The following ADAMTSL1 variants were observed in gnomAD, a reference collection of about 807,000 sequenced individuals.
ADAMTSL1 encodes ADAMTS-like protein 1.
ADAMTSL1 carries 126 observed loss-of-function variants against 201.8 expected under a neutral mutation model. The observed-to-expected ratio is 0.62, with a 90% CI of 0.54 to 0.72. The LOEUF is 0.72. Among genes scored for constraint, ADAMTSL1 ranks in the 30% least tolerant of loss-of-function variants. The pLI is 0.00. For synonymous variants in ADAMTSL1, 1,121 were observed against 903.4 expected (o/e 1.24, Z -4.32); for missense variants, 2,679 against 2,277.8 (o/e 1.18, Z -3.59).
chr9:17,976,189 G>A (rs967403951), intron 1 of ADAMTSL1, among the ~76,000 whole-genome samples: 4 of 151,680 alleles, frequency 2.6e-5, no homozygotes, highest in Non-Finnish European at 5.9e-5. Flanking sequence ...GTTCAAGATC[G>A]CTTTAGCTAT....
chr9:18,044,816 G>A (rs1821591175), intron 1 of ADAMTSL1, among the ~76,000 whole-genome samples: 1 of 152,164 alleles, frequency 6.6e-6, no homozygotes, highest in African/African-American at 2.4e-5. Flanking sequence ...CTAGAATACA[G>A]ATCAGTTGGC....
intron 16 of ADAMTSL1, among the ~76,000 whole-genome samples, chr9:18,770,077 G>C (rs2133712768): frequency 6.6e-6 from 1 of 152,308 alleles, no homozygotes; most frequent in Non-Finnish European, 1.5e-5. Flanking sequence ...CCTGCAAGAA[G>C]AGTATTCCAG....
intron 23 of ADAMTSL1, among the ~76,000 whole-genome samples, chr9:18,882,569 C>T (rs1828597375): frequency 6.6e-6 from 1 of 152,150 alleles, no homozygotes. Flanking sequence ...ACTGACTTCT[C>T]TCCCCAAGGC....
At chr9:18,283,573 A>G (rs1219544325) in intron 2 of ADAMTSL1, among the ~76,000 whole-genome samples, 2 of 140,328 alleles carry the variant, frequency 1.4e-5, no homozygotes, top group African/African-American at 2.7e-5. Flanking sequence ...ACCACTGCAA[A>G]CCACAGTGGT....
rs1385469324 is a variant in ADAMTSL1, at chr9:17,944,410, A to G, written c.87+37488A>G. Among the ~76,000 whole-genome samples the G allele has an allele frequency of 2.6e-5, 4 of 152,204 alleles. No homozygotes were observed. In the East Asian group the frequency reaches 5.8e-4, roughly 22 times the overall value. ...CTGCCCAAGGTAATTTATAGATTCAATGCCATCCCCATCAAGCTACCAAGG... is the reference window on the plus strand; with the variant it reads ...CTGCCCAAGGTAATTTATAGATTCAGTGCCATCCCCATCAAGCTACCAAGG... On this transcript the variant is annotated intron_variant, in intron 1 of 29. Transcript: ENST00000680146.
intron 4 of ADAMTSL1, among the ~76,000 whole-genome samples, chr9:18,588,516 C>G (rs1416813138): frequency 6.6e-6 from 1 of 151,920 alleles, no homozygotes; most frequent in Non-Finnish European, 1.5e-5. Flanking sequence ...GAGATCTTAT[C>G]CAAAAAATCT....
chr9:18,765,704 T>C (rs1253131884), intron 16 of ADAMTSL1, among the ~76,000 whole-genome samples: 1 of 152,200 alleles, frequency 6.6e-6, no homozygotes, highest in African/African-American at 2.4e-5. Context: ...TGTAATGATA[T>C]ACTGGGGAAA....
At position 18,777,925 on chromosome 9, in the gene ADAMTSL1, C is replaced by G. The variant is rs757042249; in HGVS notation, c.3677+19C>G. 1 of 1,523,692 alleles carries G rather than the reference C, an allele frequency of 6.6e-7. No homozygotes were observed. Among genetic ancestry groups the G allele is most frequent in the Non-Finnish European group, 8.8e-7 (1 of 1,133,806 alleles). The allele number at this position is 1,523,692 out of a possible 1,614,324, so 94.4% of individuals were successfully genotyped here. On this transcript the variant is annotated intron_variant, in intron 19 of 28. Coordinates refer to ENST00000380548, the MANE Select transcript of ADAMTSL1 (RefSeq NM_001040272.6). The stretch of plus-strand genomic sequence containing the variant: ...GTGACAGGTGAGCCTTGTAGCTAAC[C>G]TGGTCTTGGGAGGGAGGCAAGGGGC...
At chr9:18,354,981 C>T (rs1182279605) in intron 2 of ADAMTSL1, among the ~76,000 whole-genome samples, 1 of 148,102 alleles carries the variant, frequency 6.8e-6, no homozygotes, top group South Asian at 2.1e-4. Context: ...TATAAATAAA[C>T]AAACAAACAA....
rs1289564380 is a variant in ADAMTSL1, at chr9:18,889,490, C to G, written c.4463-78C>G. 1.2e-5 allele frequency: 18 copies of G among 1,500,324 alleles called. No individual in the cohort carries two copies. In the Admixed American group the frequency reaches 2.0e-4, roughly 16 times the overall value. The allele number at this position is 1,500,324 out of a possible 1,614,324, so 92.9% of individuals were successfully genotyped here. The stretch of plus-strand genomic sequence containing the variant: ...CAAATCCACCCCTGTCACCTTCTCC[C>G]TGCCCTGCTCAGAAGGAATTCAGAG... On this transcript the variant is annotated intron_variant, in intron 24 of 28. Coordinates refer to ENST00000380548, the MANE Select transcript of ADAMTSL1 (RefSeq NM_001040272.6).
intron 2 of ADAMTSL1, among the ~76,000 whole-genome samples, chr9:18,427,639 G>A (rs529010781): frequency 6.6e-6 from 1 of 152,298 alleles, no homozygotes; most frequent in African/African-American, 2.4e-5. Context: ...TTTTTCTCTT[G>A]CTCTCTTAAA....
In ADAMTSL1 at chr9:18,702,855, C is replaced by T. The variant is rs143635054; in HGVS notation, c.1575-3892C>T. ...TTGGCTCACTGCAACCTCCACCTCC[C>T]GGGCCCAAGCAATTCTCCTGCCTCA... On this transcript the variant is annotated intron_variant, in intron 13 of 28. Coordinates refer to ENST00000380548, the MANE Select transcript of ADAMTSL1 (RefSeq NM_001040272.6). Among the ~76,000 whole-genome samples, 566 of 152,030 alleles carry T rather than the reference C, an allele frequency of 3.7e-3. 12 individuals are homozygous for T. Among genetic ancestry groups the T allele is most frequent in the Admixed American group, 0.016 (246 of 15,270 alleles).
In ADAMTSL1 at chr9:18,681,866, C is replaced by T. The variant is rs1830520370; in HGVS notation, c.1396C>T (p.His466Tyr). 1.2e-6 allele frequency: 2 copies of T among 1,613,904 alleles called. No individual in the cohort carries two copies. The highest frequency in any genetic ancestry group is 1.1e-5 in the South Asian group (1 of 91,074). The change falls in exon 12 of 29, where the codon CAT becomes TAT. Residue 466 changes from histidine to tyrosine, a missense_variant. By Grantham distance (83) the His-to-Tyr change is moderately conservative. Coordinates refer to ENST00000380548, the MANE Select transcript of ADAMTSL1 (RefSeq NM_001040272.6). ...LRYRVVLCID[H>Y]RGMHTGGCSP... ...ATACCGTGTGGTCCTCTGCATCGAC[C>T]ATCGAGGAATGCACACAGGAGGCTG... is the stretch of plus-strand genomic sequence containing the variant.
At chr9:18,470,700 C>T (rs550136645), upstream of ADAMTSL1, among the ~76,000 whole-genome samples, 3 of 152,140 alleles carry the variant, frequency 2.0e-5, no homozygotes, top group South Asian at 2.1e-4. Flanking sequence ...AGAGAAATAC[C>T]GAAAGTTTAG....
At chr9:18,383,840 T>C (rs976132848) in intron 2 of ADAMTSL1, among the ~76,000 whole-genome samples, 41 of 152,308 alleles carry the variant, frequency 2.7e-4, no homozygotes, top group African/African-American at 9.4e-4. Context: ...AATACCTTTT[T>C]ATGAAAATTG....
intron 2 of ADAMTSL1, among the ~76,000 whole-genome samples, chr9:18,314,005 A>G (rs904814724): frequency 6.6e-6 from 1 of 151,990 alleles, no homozygotes; most frequent in African/African-American, 2.4e-5. Flanking sequence ...TGACCCAACT[A>G]AAAAAAATGG....
At chr9:18,650,241 G>A (rs544881008) in intron 7 of ADAMTSL1, among the ~76,000 whole-genome samples, 17 of 152,302 alleles carry the variant, frequency 1.1e-4, no homozygotes, top group African/African-American at 2.9e-4. Flanking sequence ...TAAGCCCATC[G>A]GAAAAGTGCA....
At chr9:18,281,604 CA>C (rs1437757666) in intron 2 of ADAMTSL1, among the ~76,000 whole-genome samples, 1 of 152,218 alleles carries the variant, frequency 6.6e-6, no homozygotes, top group Non-Finnish European at 1.5e-5. Flanking sequence ...TATTGTTTTT[CA>C]GTAACTAAGG....
intron 1 of ADAMTSL1, among the ~76,000 whole-genome samples, chr9:18,123,252 G>C (rs1825582083): frequency 6.6e-6 from 1 of 152,138 alleles, no homozygotes; most frequent in Admixed American, 6.5e-5. Flanking sequence ...CACATTTTAT[G>C]CATTTCAGTT....
Sources: gnomAD v4.1 joint callset for allele counts (sites outside exome capture counted in the v4.1 genomes callset) on GRCh38, gnomAD v4.1.1 for gene constraint, MANE v1.5 for transcripts, NCBI Gene and HGNC (gene_info 2026-07-23, HGNC 2026-07-21) for gene names.